The following ZFHX3 variants were observed in gnomAD, a reference collection of about 807,000 sequenced individuals.
ZFHX3 encodes the protein zinc finger homeobox 3.
ZFHX3 carries 42 observed loss-of-function variants against 279.1 expected under a neutral mutation model. The ratio of observed to expected loss-of-function variants is 0.15; its 90% CI spans 0.12 to 0.19. The LOEUF (loss-of-function observed/expected upper bound fraction) is 0.19. ZFHX3 is among the 10% of genes least tolerant of loss of function. ZFHX3 has a pLI of 1.00. For synonymous variants in ZFHX3, 2,293 were observed against 1,957.8 expected (o/e 1.17, Z -4.52); for missense variants, 4,981 against 4,754.0 (o/e 1.05, Z -1.40).
chr16:73,531,770 T>A (rs548445511), intron 2 of ZFHX3, among the ~76,000 whole-genome samples: 81 of 149,316 alleles, frequency 5.4e-4, no homozygotes, highest in Non-Finnish European at 9.1e-4. Context: ...GAACTGCAGA[T>A]TTGCTATGTC....
intron 2 of ZFHX3, among the ~76,000 whole-genome samples, chr16:73,470,211 C>T (rs1597347610): frequency 1.3e-5 from 2 of 152,172 alleles, no homozygotes; most frequent in East Asian, 3.9e-4. Flanking sequence ...ATTTCTCCTG[C>T]TAATGTACAC....
intron 8 of ZFHX3, among the ~76,000 whole-genome samples, chr16:73,080,670 C>T (rs1710966051): frequency 1.3e-5 from 2 of 152,032 alleles, no homozygotes; most frequent in African/African-American, 4.8e-5. Context: ...AACTCCTGGG[C>T]TCAAATGATC....
intron 5 of ZFHX3, among the ~76,000 whole-genome samples, chr16:73,210,638 C>T (rs2011978519): frequency 6.6e-6 from 1 of 152,102 alleles, no homozygotes. Flanking sequence ...AATAAATGCA[C>T]ATTCTTTCAG....
At chr16:73,144,625 G>A (rs531638994) in intron 5 of ZFHX3, among the ~76,000 whole-genome samples, 3 of 152,184 alleles carry the variant, frequency 2.0e-5, no homozygotes, top group South Asian at 2.1e-4. Context: ...TATACACCAC[G>A]CTGTGTCCTA....
intron 1 of ZFHX3, among the ~76,000 whole-genome samples, chr16:73,694,778 C>T (rs2053180789): frequency 6.6e-6 from 1 of 152,204 alleles, no homozygotes; most frequent in African/African-American, 2.4e-5. Context: ...TGGCCATGGG[C>T]CTGCTCTTCA....
intron 7 of ZFHX3, chr16:72,808,123 C>T (rs2036326170): frequency 6.6e-6 from 1 of 152,202 alleles, no homozygotes; most frequent in South Asian, 2.1e-4. Context: ...AAAATACCCT[C>T]CCGTGGCATG....
At chr16:73,822,060 A>G (rs1342291989) in intron 1 of ZFHX3, among the ~76,000 whole-genome samples, 1 of 152,138 alleles carries the variant, frequency 6.6e-6, no homozygotes, top group East Asian at 1.9e-4. Flanking sequence ...CCTTCCTGCA[A>G]TCTTCAGTCA....
chr16:72,804,299 A>G (rs766501641), intron 7 of ZFHX3, among the ~76,000 whole-genome samples: 27 of 152,252 alleles, frequency 1.8e-4, no homozygotes, highest in Admixed American at 3.3e-4. Context: ...CATGTGCTGC[A>G]TGCTTCTGAG....
chr16:73,209,785 A>G (rs1034332855), intron 5 of ZFHX3, among the ~76,000 whole-genome samples: 2 of 152,176 alleles, frequency 1.3e-5, no homozygotes, highest in African/African-American at 4.8e-5. Context: ...TCCATTGTAC[A>G]CTTGTGAGAG....
chr16:73,731,599 C>A (rs1187302652), intron 1 of ZFHX3, among the ~76,000 whole-genome samples: 1 of 151,836 alleles, frequency 6.6e-6, no homozygotes, highest in Non-Finnish European at 1.5e-5. Flanking sequence ...TTTAAGCAAT[C>A]ACTGCACTTT....
chr16:73,584,191 A>ATC (rs71787267), intron 2 of ZFHX3, among the ~76,000 whole-genome samples: 8,320 of 152,212 alleles, frequency 0.055, 758 homozygotes, highest in African/African-American at 0.19. Flanking sequence ...TCTAACATAC[A>ATC]TCTAATTGGA....
chr16:73,331,634 C>T (rs2015807100), intron 3 of ZFHX3, among the ~76,000 whole-genome samples: 2 of 152,094 alleles, frequency 1.3e-5, no homozygotes, highest in Non-Finnish European at 2.9e-5. Flanking sequence ...GGTGAGAATG[C>T]CTAGAATTCT....
chr16:72,928,182 AGAGG>A (rs1959580068), intron 3 of ZFHX3, among the ~76,000 whole-genome samples: 1 of 4,406 alleles, frequency 2.3e-4, no homozygotes. Context: ...GGGAGGGGAG[AGAGG>A]GAGGGGGAGG....
intron 2 of ZFHX3, among the ~76,000 whole-genome samples, chr16:73,526,273 G>T (rs758271639): frequency 5.9e-5 from 9 of 152,236 alleles, no homozygotes; most frequent in Admixed American, 1.3e-4. Flanking sequence ...GGCTAGAAGG[G>T]TCGCTTGATT....
intron 3 of ZFHX3, among the ~76,000 whole-genome samples, chr16:73,368,516 A>C (rs934325740): frequency 2.0e-5 from 3 of 152,202 alleles, no homozygotes; most frequent in Non-Finnish European, 1.5e-5. Flanking sequence ...ATTTTAATTC[A>C]ACAGCATTCA....
chr16:72,926,298 CTG>C (rs1959444922), intron 3 of ZFHX3, among the ~76,000 whole-genome samples: 1 of 152,164 alleles, frequency 6.6e-6, no homozygotes, highest in African/African-American at 2.4e-5. Flanking sequence ...TTTTGCGTCT[CTG>C]TCTCTCTCAC....
intron 2 of ZFHX3, among the ~76,000 whole-genome samples, chr16:73,534,726 C>A (rs183132549): frequency 9.9e-4 from 151 of 152,336 alleles, no homozygotes; most frequent in Non-Finnish European, 1.4e-3. Context: ...ACCATCACTA[C>A]CGCCATCATC....
chr16:73,030,668 T>C (rs1208126808), intron 1 of ZFHX3, among the ~76,000 whole-genome samples: 1 of 151,714 alleles, frequency 6.6e-6, no homozygotes, highest in Non-Finnish European at 1.5e-5. Context: ...ACAGGAAGCA[T>C]GAGTCCAGAG....
upstream of ZFHX3, chr16:73,060,385 A>C (rs1160383518): frequency 6.6e-6 from 1 of 152,210 alleles, no homozygotes; most frequent in Non-Finnish European, 1.5e-5. Context: ...GACAGCAGCG[A>C]GGGACCCTAC....
Sources: allele counts gnomAD v4.1 joint callset (sites outside exome capture counted in the v4.1 genomes callset), GRCh38; gene constraint gnomAD v4.1.1; transcripts MANE v1.5; gene names NCBI Gene and HGNC (gene_info 2026-07-23, HGNC 2026-07-21).